Variants in ZNF521 observed in about 807,000 individuals in gnomAD.
ZNF521 encodes zinc finger protein 521, also known as LYST-interacting protein 3.
In ZNF521, 14 loss-of-function variants were observed where a neutral mutation model predicts 105.5. The ratio of observed to expected loss-of-function variants is 0.13; its 90% CI spans 0.09 to 0.21. The LOEUF is 0.21. ZNF521 is among the 10% of genes least tolerant of loss of function. The pLI, the probability that ZNF521 is intolerant of heterozygous loss-of-function variation, is 1.00. For missense variants in ZNF521, 1,233 were observed against 1,629.7 expected (o/e 0.76, Z 4.19); for synonymous variants, 635 against 606.0 (o/e 1.05, Z -0.70).
chr18:25,111,737 C>T (rs1053530256), intron 5 of ZNF521, among the ~76,000 whole-genome samples: 2 of 152,188 alleles, frequency 1.3e-5, no homozygotes, highest in African/African-American at 4.8e-5. Flanking sequence ...GGCACAGGCT[C>T]GAGTCTTCTC....
chr18:25,122,324 G>T (rs2034459292), intron 5 of ZNF521, among the ~76,000 whole-genome samples: 1 of 152,156 alleles, frequency 6.6e-6, no homozygotes, highest in African/African-American at 2.4e-5. Flanking sequence ...ATATACCTAT[G>T]ACTAAAATCC....
chr18:25,207,405 G>A (rs2036101769), intron 4 of ZNF521, among the ~76,000 whole-genome samples: 1 of 152,142 alleles, frequency 6.6e-6, no homozygotes, highest in South Asian at 2.1e-4. Flanking sequence ...TCGGGGCACA[G>A]GACTCCAGGA....
rs369578732 is a variant in ZNF521, at chr18:25,301,093, C to A, written c.220+20915G>T. 6.8e-4 allele frequency among the ~76,000 whole-genome samples: 104 copies of A among 152,286 alleles called. 2 individuals are homozygous for A. In the South Asian group the frequency reaches 0.021, roughly 31 times the overall value. ...CCCTGAGAGCTGGAACTTACTTTTT[C>A]TTCCATCATATCTATACCCAGTTTT... On this transcript the variant is annotated intron_variant, in intron 3 of 7. Coordinates refer to ENST00000361524, the MANE Select transcript of ZNF521 (RefSeq NM_015461.3).
chr18:25,349,516 G>A (rs998719616), intron 2 of ZNF521, among the ~76,000 whole-genome samples: 96 of 152,190 alleles, frequency 6.3e-4, no homozygotes, highest in African/African-American at 2.1e-3. Context: ...CCCCCACCCC[G>A]TCCCTTCCCA....
intron 3 of ZNF521, among the ~76,000 whole-genome samples, chr18:25,299,857 T>A (rs567715979): frequency 1.1e-4 from 16 of 152,368 alleles, no homozygotes; most frequent in African/African-American, 3.1e-4. Context: ...GAGACTCTGA[T>A]TTCGGTGGCA....
chr18:25,227,739 G>A lies in ZNF521; in HGVS notation c.221-42C>T. On this transcript the variant is annotated intron_variant, in intron 3 of 7. Transcript: ENST00000361524. The surrounding 1 kb of genome is among the most constrained non-coding windows in gnomAD (Gnocchi z 5.7). ...TGACAAATTTCATCTGACATGTTGA[G>A]ATTCAAGAGTGAGTTTACCGTAGCA... 5 of 1,536,972 alleles carry A rather than the reference G, an allele frequency of 3.3e-6. No homozygotes were observed. The highest frequency in any genetic ancestry group is 1.8e-5 in the Admixed American group (1 of 54,906).
intron 4 of ZNF521, among the ~76,000 whole-genome samples, chr18:25,222,743 T>G (rs1905814802): frequency 6.6e-6 from 1 of 152,226 alleles, no homozygotes; most frequent in South Asian, 2.1e-4. Flanking sequence ...ATATGAGACA[T>G]TTTGGGGACA....
chr18:25,110,367 A>G (rs1468651578), intron 5 of ZNF521, among the ~76,000 whole-genome samples: 1 of 152,114 alleles, frequency 6.6e-6, no homozygotes, highest in Non-Finnish European at 1.5e-5. Context: ...TGCCTGATCC[A>G]AAATCCCAAA....
intron 5 of ZNF521, among the ~76,000 whole-genome samples, chr18:25,168,411 T>C (rs555008020): frequency 1.3e-5 from 2 of 152,182 alleles, no homozygotes; most frequent in Admixed American, 6.5e-5. Flanking sequence ...AACTGAACAG[T>C]TGGTCCTCTA....
chr18:25,248,097 C>T (rs1907852264), intron 3 of ZNF521, among the ~76,000 whole-genome samples: 1 of 152,078 alleles, frequency 6.6e-6, no homozygotes, highest in Admixed American at 6.6e-5. Flanking sequence ...GACTCAATAC[C>T]AATGTTACAG....
At chr18:25,280,307 G>A (rs1394347487) in intron 3 of ZNF521, among the ~76,000 whole-genome samples, 2 of 152,038 alleles carry the variant, frequency 1.3e-5, no homozygotes, top group Non-Finnish European at 2.9e-5. Context: ...TGCCCATGAT[G>A]TCATTGAAGG....
At chr18:25,208,028 G>C (rs1476145621) in intron 4 of ZNF521, among the ~76,000 whole-genome samples, 1 of 151,796 alleles carries the variant, frequency 6.6e-6, no homozygotes, top group Non-Finnish European at 1.5e-5. Context: ...TGCAAGGAAA[G>C]CACCGTGATT....
intron 2 of ZNF521, among the ~76,000 whole-genome samples, chr18:25,342,935 C>T (rs895242823): frequency 1.7e-4 from 26 of 152,114 alleles, no homozygotes; most frequent in Admixed American, 4.6e-4. Context: ...GCTAAGAACA[C>T]GTATGAAATG....
intron 2 of ZNF521, among the ~76,000 whole-genome samples, chr18:25,327,846 T>G (rs1028774991): frequency 6.6e-6 from 1 of 152,104 alleles, no homozygotes; most frequent in Non-Finnish European, 1.5e-5. Flanking sequence ...TTTATTACTG[T>G]CAACTAAAGG....
At chr18:25,093,279 C>T (rs2033786248) in intron 5 of ZNF521, among the ~76,000 whole-genome samples, 1 of 152,122 alleles carries the variant, frequency 6.6e-6, no homozygotes, top group Non-Finnish European at 1.5e-5. Flanking sequence ...CCACTACTTC[C>T]AAGACTACTT....
chr18:25,295,158 A>ATT (rs1271099896), intron 3 of ZNF521, among the ~76,000 whole-genome samples: 6 of 152,124 alleles, frequency 3.9e-5, no homozygotes, highest in Admixed American at 3.9e-4. Flanking sequence ...TGTGATAGTG[A>ATT]TTTTCCATTC....
At chr18:25,067,256 C>T (rs7228706) in intron 7 of ZNF521, among the ~76,000 whole-genome samples, 102 of 152,218 alleles carry the variant, frequency 6.7e-4, no homozygotes, top group African/African-American at 2.3e-3. Context: ...AGGTATGATA[C>T]CTTAATAGCG....
At chr18:25,287,249 G>A (rs1910759166) in intron 3 of ZNF521, among the ~76,000 whole-genome samples, 1 of 152,186 alleles carries the variant, frequency 6.6e-6, no homozygotes, top group Non-Finnish European at 1.5e-5. Context: ...TGCAACTGAG[G>A]AGAGAGCAGC....
At chr18:25,320,267 G>T (rs1263344934) in intron 3 of ZNF521, among the ~76,000 whole-genome samples, 2 of 152,130 alleles carry the variant, frequency 1.3e-5, no homozygotes, top group Non-Finnish European at 2.9e-5. Context: ...CTGCCTCCCG[G>T]GTTCAAGCAA....
Sources: gnomAD v4.1 joint callset for allele counts (sites outside exome capture counted in the v4.1 genomes callset) on GRCh38, gnomAD v4.1.1 for gene constraint, Gnocchi (gnomAD v3.1) non-coding constraint, MANE v1.5 for transcripts, NCBI Gene and HGNC (gene_info 2026-07-23, HGNC 2026-07-21) for gene names.